The following HMCN1 variants were observed in gnomAD, a reference collection of about 807,000 sequenced individuals.
HMCN1 encodes the protein hemicentin-1.
HMCN1 carries 321 observed loss-of-function variants against 625.9 expected under a neutral mutation model. The ratio of observed to expected loss-of-function variants is 0.51; its 90% CI spans 0.47 to 0.56. The LOEUF is 0.56. HMCN1 is among the 20% of genes least tolerant of loss of function. The pLI is 0.00. For missense variants in HMCN1, 6,588 were observed against 6,887.3 expected, an observed-to-expected ratio of 0.96 and a Z score of 1.54; for synonymous variants, 2,425 against 2,417.6, an observed-to-expected ratio of 1.00 and a Z score of -0.09.
At chr1:186,151,816 G>A (rs974831040) in intron 95 of HMCN1, 73 bp downstream of exon 95, 22 of 1,443,544 alleles carry the variant, frequency 1.5e-5, no homozygotes, top group African/African-American at 2.8e-5. Context: ...AGAAAAATAC[G>A]TGTTCCCACA....
chr1:185,964,207 C>A (rs2102561698), intron 13 of HMCN1, among the ~76,000 whole-genome samples: 2 of 152,174 alleles, frequency 1.3e-5, no homozygotes, highest in Non-Finnish European at 1.5e-5. Flanking sequence ...TTAATAAATT[C>A]TATTTCCTTT....
rs771489073 is a variant in HMCN1 at position 186,190,653 on chromosome 1, G to A, written c.*775G>A. The stretch of plus-strand genomic sequence containing the variant: ...CATAACTTTTACGTTCCAGAATTTT[G>A]TTTATTTTCCTGTCAATGAAAGCAA... On this transcript the variant is annotated 3_prime_UTR_variant, in exon 107 of 107. Coordinates refer to ENST00000271588, the MANE Select transcript of HMCN1 (RefSeq NM_031935.3). 6.9e-5 allele frequency: 13 copies of A among 188,120 alleles called. 1 individual carries two copies. The highest frequency in any genetic ancestry group is 2.0e-4 in the African/African-American group (8 of 39,808). The allele number at this position is 188,120 out of a possible 1,614,324, so 11.7% of individuals were successfully genotyped here. A position where few individuals can be genotyped will look rare whatever the true frequency, so the allele number is the denominator to read the frequency against.
chr1:185,902,940 G>A (rs1461410144), intron 4 of HMCN1, among the ~76,000 whole-genome samples: 5 of 148,286 alleles, frequency 3.4e-5, no homozygotes, highest in Non-Finnish European at 6.0e-5. Context: ...GTATTTAGTA[G>A]AAGAAGAAAA....
Position 186,090,910 on chromosome 1 carries a change from A to G in HMCN1, c.9880A>G (p.Arg3294Gly), listed in dbSNP as rs1156627438. ...GCCCATAGCTAGTGGTGAAACAGAA[A>G]GAATCCGGTATGTTTAAAAATAATC... ...GKPIASGETE[R>G]IRVSANGSTL... The change falls in exon 64 of 107, where the codon AGA becomes GGA. Residue 3294 changes from arginine (R) to glycine (G), a missense_variant. Arg to Gly is a moderately radical substitution (Grantham distance 125). Coordinates refer to ENST00000271588, the MANE Select transcript of HMCN1 (RefSeq NM_031935.3). The G allele has an allele frequency of 3.1e-6, 5 of 1,611,842 alleles. No individual in the cohort carries two copies. Among genetic ancestry groups the G allele is most frequent in the Admixed American group, 3.3e-5 (2 of 59,814 alleles).
chr1:185,954,344 C>T (rs1236159854), intron 11 of HMCN1, among the ~76,000 whole-genome samples: 1 of 151,950 alleles, frequency 6.6e-6, no homozygotes, highest in Non-Finnish European at 1.5e-5. Flanking sequence ...ACTTAGGTTT[C>T]GTTGTGAGAA....
chr1:185,849,496 C>G (rs1487652413), intron 2 of HMCN1, among the ~76,000 whole-genome samples: 1 of 152,104 alleles, frequency 6.6e-6, no homozygotes, highest in Admixed American at 6.6e-5. Context: ...AACATGTTCA[C>G]TTTTTAATAA....
At chr1:185,773,382 G>A (rs73060474) in intron 1 of HMCN1, among the ~76,000 whole-genome samples, 13,579 of 152,130 alleles carry the variant, frequency 0.089, 1,926 homozygotes, top group African/African-American at 0.3. Flanking sequence ...TCATTCATTT[G>A]GGAATGAGCA....
At chr1:185,739,058 C>T (rs371337303) in intron 1 of HMCN1, among the ~76,000 whole-genome samples, 106 of 152,256 alleles carry the variant, frequency 7.0e-4, no homozygotes, top group African/African-American at 2.5e-3. Context: ...TGTCTGTTTG[C>T]CGCTTTGTGT....
chr1:185,984,121 A>G (rs1391472061), intron 18 of HMCN1, 48 bp from the exon 19 acceptor site: 1 of 1,540,086 alleles, frequency 6.5e-7, no homozygotes, highest in African/African-American at 1.4e-5. Context: ...TTTGACTCTC[A>G]CAAATCCTTT....
chr1:185,856,861 G>A (rs1244407731), intron 2 of HMCN1, among the ~76,000 whole-genome samples: 1 of 152,190 alleles, frequency 6.6e-6, no homozygotes, highest in Non-Finnish European at 1.5e-5. Flanking sequence ...AGGCATGGGA[G>A]CATGCTTGCT....
At chr1:185,735,948 G>T (rs1017878352) in intron 1 of HMCN1, among the ~76,000 whole-genome samples, 2 of 152,160 alleles carry the variant, frequency 1.3e-5, no homozygotes, top group Non-Finnish European at 2.9e-5. Context: ...ATGAAGCAGT[G>T]ATTTCTTAAC....
At chr1:186,187,783 G>C (rs1653437288) in intron 105 of HMCN1, 100 bp from the exon 106 acceptor site, 13 of 1,489,720 alleles carry the variant, frequency 8.7e-6, no homozygotes, top group African/African-American at 1.4e-5. Flanking sequence ...GCAGGAGAAG[G>C]CTAGCCCTCC....
In HMCN1 at chr1:186,090,141, A is replaced by G. The variant is rs919180329; in HGVS notation, c.9728-617A>G. Among the ~76,000 whole-genome samples, 102 of 151,736 alleles carry G rather than the reference A, an allele frequency of 6.7e-4. 1 individual carries two copies. Among genetic ancestry groups the G allele is most frequent in the Non-Finnish European group, 1.9e-4 (13 of 67,864 alleles). On this transcript the variant is annotated intron_variant, in intron 63 of 106. Transcript: ENST00000271588. ...ATAGAATAGGAATTCAAACATGTTT[A>G]TATCTGATACCATTGGCAGTATTTT...
At chr1:185,902,449 A>ATCTT (rs1312165922) in intron 4 of HMCN1, among the ~76,000 whole-genome samples, 1 of 147,804 alleles carries the variant, frequency 6.8e-6, no homozygotes, top group Non-Finnish European at 1.5e-5. Flanking sequence ...CTATCTATCT[A>ATCTT]TCTAATTTTG....
chr1:185,844,282 A>C (rs1661670050), intron 1 of HMCN1, among the ~76,000 whole-genome samples: 1 of 152,146 alleles, frequency 6.6e-6, no homozygotes, highest in Non-Finnish European at 1.5e-5. Flanking sequence ...TGGAATGCAG[A>C]TGTTTGCATT....
chr1:186,108,646 T>TA (rs1224257300), intron 71 of HMCN1, 49 bp downstream of exon 71: 21 of 1,608,140 alleles, frequency 1.3e-5, no homozygotes, highest in Non-Finnish European at 1.5e-5. Flanking sequence ...ATGAAAAAAG[T>TA]AAAAAAATCA....
At chr1:186,163,034 C>T (rs902488917) in intron 97 of HMCN1, among the ~76,000 whole-genome samples, 7 of 152,232 alleles carry the variant, frequency 4.6e-5, no homozygotes, top group Admixed American at 1.3e-4. Flanking sequence ...GGCAGGCAGG[C>T]GTCCTTGAGC....
At position 185,909,387 on chromosome 1, in the gene HMCN1, A is replaced by C; in HGVS notation, c.672A>C (p.Leu224Phe). The C allele has an allele frequency of 6.2e-7, 1 of 1,613,346 alleles. No homozygotes were observed. The highest frequency in any genetic ancestry group is 2.2e-5 in the East Asian group (1 of 44,850). ...EAVQASKVHL[L>F]STDHLEQAVN... ...TACAGGCCTCCAAAGTTCACCTTTT[A>C]TCCACAGATCATTTGGAACAGGCTG... The change falls in exon 5 of 107, where the codon TTA (leucine) becomes TTC (phenylalanine). Residue 224 changes from leucine to phenylalanine, a missense_variant. This residue lies in a region of HMCN1 where 4,628 missense variants were observed against 4,853.1 expected (regional missense o/e 0.95). Coordinates refer to ENST00000271588, the MANE Select transcript of HMCN1 (RefSeq NM_031935.3).
chr1:185,792,520 A>G (rs1410342525), intron 1 of HMCN1, among the ~76,000 whole-genome samples: 1 of 152,024 alleles, frequency 6.6e-6, no homozygotes, highest in African/African-American at 2.4e-5. Flanking sequence ...AATAAACTTG[A>G]TTCTATTCAG....
Sources: allele counts gnomAD v4.1 joint callset (sites outside exome capture counted in the v4.1 genomes callset), GRCh38; gene constraint gnomAD v4.1.1; regional missense constraint gnomAD v4.1.1; transcripts MANE v1.5; gene names NCBI Gene and HGNC (gene_info 2026-07-23, HGNC 2026-07-21).